ZNF780A: variants seen among roughly 807,000 people sequenced by gnomAD.
ZNF780A encodes the protein zinc finger protein 780A.
In ZNF780A, 40 loss-of-function variants were observed where a neutral mutation model predicts 56.7. The observed-to-expected ratio is 0.71, with a 90% confidence interval of 0.55 to 0.92. The LOEUF is 0.92. Ranked by LOEUF, ZNF780A falls within the 40% of genes least tolerant of loss-of-function variation. The pLI is 0.00. For synonymous variants in ZNF780A, 231 were observed against 248.3 expected (o/e 0.93, Z 0.66); for missense variants, 672 against 783.3 (o/e 0.86, Z 1.70).
chr19:40,085,313 C>T (rs1974736181), intron 2 of ZNF780A: 1 of 985,286 alleles, frequency 1.0e-6, no homozygotes, highest in Non-Finnish European at 1.2e-6. Context: ...CAGTGTTCAG[C>T]ATTCTAAATT....
At position 40,074,329 on chromosome 19, in the gene ZNF780A, C is replaced by T. The variant is rs73040569; in HGVS notation, c.*187G>A. ...ATAAGTGGTAATGATATCTAAAGGT[C>T]GTCCTCCACTCCTTGCATACAAAGA... On this transcript the variant is annotated 3_prime_UTR_variant, in exon 6 of 6. Coordinates refer to ENST00000683561, the MANE Select transcript of ZNF780A (RefSeq NM_001142578.2). 0.018 allele frequency: 26,750 copies of T among 1,517,128 alleles called. 291 individuals are homozygous for T. The highest frequency in any genetic ancestry group is 0.021 in the Non-Finnish European group (23,494 of 1,137,100). 94.0% of individuals were successfully genotyped at this position (1,517,128 alleles called of 1,614,324 possible).
In ZNF780A at chr19:40,074,550, T is replaced by C. The variant is rs749057292; in HGVS notation, c.1892A>G (p.His631Arg). The C allele has an allele frequency of 6.8e-6, 11 of 1,613,906 alleles. No homozygotes were observed. The East Asian group carries it at 8.9e-5, about 13-fold the overall frequency. The change falls in exon 6 of 6, where the codon CAT (histidine) becomes CGT (arginine). Residue 631 changes from histidine to arginine, a missense_variant. Transcript: ENST00000683561. ...CTTCTCACCTGTGTGAATGTTCTTA[T>C]GGCGATTAAGCTGGGTGGGAAGACT... ...VFSLPTQLNR[H>R]KNIHTGEKAS is the part of the protein sequence containing the mutation.
At chr19:40,087,872 C>T (rs1320298965) in intron 2 of ZNF780A, among the ~76,000 whole-genome samples, 1 of 152,008 alleles carries the variant, frequency 6.6e-6, no homozygotes, top group African/African-American at 2.4e-5. Flanking sequence ...TATAACCAAC[C>T]GAGTTTTGAG....
At chr19:40,088,689 T>A (rs1426940564) in intron 2 of ZNF780A, among the ~76,000 whole-genome samples, 5 of 152,190 alleles carry the variant, frequency 3.3e-5, no homozygotes, top group African/African-American at 9.7e-5. Context: ...GTCAAAGAGA[T>A]ATCAGCATAC....
intron 2 of ZNF780A, among the ~76,000 whole-genome samples, chr19:40,089,106 C>A (rs184684427): frequency 1.1e-3 from 171 of 152,230 alleles, no homozygotes; most frequent in African/African-American, 4.0e-3. Context: ...AGATCTATTA[C>A]ACAACAGGGT....
chr19:40,074,733 A>C lies in ZNF780A; in HGVS notation c.1709T>G (p.Met570Arg), dbSNP rs1026201578. 3 of 1,613,292 alleles carry C rather than the reference A, an allele frequency of 1.9e-6. No individual in the cohort carries two copies. Among genetic ancestry groups the C allele is most frequent in the Non-Finnish European group, 2.5e-6 (3 of 1,179,840 alleles). ...CAATTTCTGATGTCGAATAAGGTGC[A>C]TATGAAGTCGAAAGGCTTTCCCACA... ...KECGKAFRLH[M>R]HLIRHQKLHT... Residue 570 changes from methionine (M) to arginine (R), a missense_variant, in exon 6 of 6, where the codon ATG becomes AGG. Met to Arg is a moderately conservative substitution (Grantham distance 91). Transcript: ENST00000683561.
chr19:40,082,040 A>G (rs1261348532), intron 4 of ZNF780A, 126 bp from the exon 5 acceptor site: 1 of 589,286 alleles, frequency 1.7e-6, no homozygotes, highest in Non-Finnish European at 2.9e-6. Flanking sequence ...GACTTCAGAT[A>G]AGAGTGAGAG....
intron 2 of ZNF780A, among the ~76,000 whole-genome samples, chr19:40,089,919 T>C (rs1232402531): frequency 6.6e-6 from 1 of 152,144 alleles, no homozygotes; most frequent in Non-Finnish European, 1.5e-5. Context: ...TTCCCAAATA[T>C]GGGTCTAAAA....
Position 40,075,766 on chromosome 19 carries a change from ATTCG to A in ZNF780A, c.672_675del (p.Glu225ValfsTer49). On this transcript the variant is annotated frameshift_variant, in exon 6 of 6. Coordinates refer to ENST00000683561, the MANE Select transcript of ZNF780A (RefSeq NM_001142578.2). LOFTEE classifies it high-confidence loss of function. ...GTAAGAAGACTAAAGGCCTTTCCAC[ATTCG>A]TTACATTCAAAAGGTTTCTCACCAG... 6.2e-7 allele frequency: 1 copy of A among 1,614,076 alleles called. No individual in the cohort carries two copies. The highest frequency in any genetic ancestry group is 8.5e-7 in the Non-Finnish European group (1 of 1,179,990).
At chr19:40,072,306 GTTTTCC>G (rs1237314211), downstream of ZNF780A, 1 of 158,856 alleles carries the variant, frequency 6.3e-6, no homozygotes, top group East Asian at 1.7e-4. Context: ...CAGCACTTGG[GTTTTCC>G]TGTTGAGAGG....
downstream of ZNF780A, chr19:40,071,842 GAAC>G (rs1388591309): frequency 2.0e-5 from 3 of 152,488 alleles, no homozygotes. Flanking sequence ...GCAACAAAGA[GAAC>G]AACACTAAAT....
chr19:40,074,743 G>A lies in ZNF780A; in HGVS notation c.1699C>T (p.Arg567Ter), dbSNP rs141772559. ...FECKECGKAF[R>*]LHMHLIRHQK... ...TGTCGAATAAGGTGCATATGAAGTC[G>A]AAAGGCTTTCCCACATTCCTTACAT... is the stretch of plus-strand genomic sequence containing the variant. Residue 567 changes from arginine to a stop codon, truncating the protein, a stop_gained, in exon 6 of 6, where the codon CGA (arginine) becomes TGA (stop). Coordinates refer to ENST00000683561, the MANE Select transcript of ZNF780A (RefSeq NM_001142578.2). LOFTEE classifies it high-confidence loss of function. The A allele has an allele frequency of 3.2e-5, 51 of 1,613,436 alleles. No homozygotes were observed. Among genetic ancestry groups the A allele is most frequent in the African/African-American group, 1.1e-4 (8 of 74,796 alleles).
At chr19:40,079,865 C>T (rs1974374872) in intron 5 of ZNF780A, among the ~76,000 whole-genome samples, 1 of 151,910 alleles carries the variant, frequency 6.6e-6, no homozygotes, top group Non-Finnish European at 1.5e-5. Context: ...CAATAAACAC[C>T]TACATTGAAA....
At chr19:40,079,591 T>C (rs1025672311) in intron 5 of ZNF780A, among the ~76,000 whole-genome samples, 6 of 152,124 alleles carry the variant, frequency 3.9e-5, no homozygotes, top group African/African-American at 1.4e-4. Flanking sequence ...TATGTTAGGA[T>C]GCAATTCTTA....
intron 2 of ZNF780A, among the ~76,000 whole-genome samples, chr19:40,087,917 G>A (rs1329143883): frequency 2.0e-5 from 3 of 152,126 alleles, no homozygotes; most frequent in African/African-American, 7.2e-5. Flanking sequence ...GGAAAAGAGA[G>A]ACTCTTCAAA....
intron 2 of ZNF780A, chr19:40,089,231 G>T: frequency 7.1e-7 from 1 of 1,409,774 alleles, no homozygotes; most frequent in Non-Finnish European, 9.4e-7. Flanking sequence ...TAATTAGCTA[G>T]ATTTAGTCAT....
chr19:40,083,412 C>A (rs1378416842), intron 3 of ZNF780A, among the ~76,000 whole-genome samples, 175 bp from the exon 4 acceptor site: 2 of 152,154 alleles, frequency 1.3e-5, no homozygotes, highest in African/African-American at 4.8e-5. Context: ...TGCCTATAGT[C>A]CCAGCACTTT....
intron 5 of ZNF780A, among the ~76,000 whole-genome samples, chr19:40,080,920 C>T (rs1974437050): frequency 6.6e-6 from 1 of 152,130 alleles, no homozygotes. Context: ...CCCTATTTCT[C>T]ACCGTATACA....
rs912363145 is a variant in ZNF780A at position 40,076,600 on chromosome 19, T to C, written c.233-391A>G. ...CTGGCATATACAAGAAAATTTCAAC[T>C]CACATTGGAAAAGAAAATCAACAGC... On this transcript the variant is annotated intron_variant, in intron 5 of 5. Transcript: ENST00000683561. Among the ~76,000 whole-genome samples the C allele has an allele frequency of 7.9e-5, 12 of 152,148 alleles. No individual in the cohort carries two copies. The East Asian group carries it at 2.3e-3, about 29-fold the overall frequency.
Sources: gnomAD v4.1 joint callset for allele counts (sites outside exome capture counted in the v4.1 genomes callset) on GRCh38, gnomAD v4.1.1 for gene constraint, MANE v1.5 for transcripts, NCBI Gene and HGNC (gene_info 2026-07-23, HGNC 2026-07-21) for gene names.